LRRC27: variants seen among roughly 807,000 people sequenced by gnomAD.
LRRC27 encodes the protein leucine-rich repeat-containing protein 27.
Under a neutral mutation model 55.0 loss-of-function variants are expected in LRRC27, and 57 were observed. The ratio of observed to expected loss-of-function variants is 1.04; its 90% CI spans 0.84 to 1.29. The LOEUF (loss-of-function observed/expected upper bound fraction) is 1.29, where lower values mean the gene tolerates loss of function less well. Among genes scored for constraint, LRRC27 ranks in the 50% most tolerant of loss-of-function variants. The pLI is 0.00. For missense variants in LRRC27, 721 were observed against 651.5 expected (o/e 1.11, Z -1.16); for synonymous variants, 278 against 251.9 (o/e 1.10, Z -0.98).
chr10:132,336,631 G>A (rs2067146498), intron 2 of LRRC27: 1 of 643,426 alleles, frequency 1.6e-6, no homozygotes, highest in Non-Finnish European at 2.8e-6. Context: ...GTTCTTTAGT[G>A]CTTGCCCACA....
chr10:132,343,121 A>T (rs927095821), intron 4 of LRRC27, among the ~76,000 whole-genome samples: 5 of 152,154 alleles, frequency 3.3e-5, no homozygotes, highest in Admixed American at 6.6e-5. Context: ...CAGCCTGGGT[A>T]ACATAGTGAG....
At chr10:132,344,450 C>T (rs1253230901) in intron 4 of LRRC27, 48 bp from the exon 5 acceptor site, 1 of 1,531,114 alleles carries the variant, frequency 6.5e-7, no homozygotes, top group Admixed American at 1.9e-5. Flanking sequence ...ATTTTCATTT[C>T]AAGAATGGTA....
In LRRC27 at chr10:132,376,032, CTTTG is replaced by C. The variant is rs1319498168; in HGVS notation, c.*794_*797del. On this transcript the variant is annotated 3_prime_UTR_variant, in exon 11 of 11. Transcript: ENST00000368614. ...TTTAACAGAGGTGAGACTATTCAGA[CTTTG>C]TTTATTTTTGTGTTAATTTTGGTAA... The C allele has an allele frequency of 3.3e-5, 5 of 152,278 alleles. No homozygotes were observed. The highest frequency in any genetic ancestry group is 4.1e-4 in the South Asian group (2 of 4,820). The allele number at this position is 152,278 out of a possible 1,614,324, so 9.4% of individuals were successfully genotyped here.
chr10:132,364,843 C>CTTACACTCATGCTTACAT (rs1564855237), intron 9 of LRRC27, among the ~76,000 whole-genome samples: 3 of 115,380 alleles, frequency 2.6e-5, no homozygotes, highest in African/African-American at 2.9e-5. Context: ...CACGCCCACA[C>CTTACACTCATGCTTACAT]CCTGGGGCCC....
At chr10:132,332,917 A>G (rs1490522072) in intron 1 of LRRC27, among the ~76,000 whole-genome samples, 4 of 152,144 alleles carry the variant, frequency 2.6e-5, no homozygotes, top group East Asian at 1.9e-4. Context: ...TTGGTGAACA[A>G]TACTTCTGAG....
rs1310825180 is a variant in LRRC27 at position 132,380,250 on chromosome 10, C to T, written c.*5008C>T. On this transcript the variant is annotated 3_prime_UTR_variant, in exon 11 of 11. Transcript: ENST00000368614. Reference sequence around the variant, plus strand: ...GGCAGAGGTTGCAGTGAGCCGAGATCACGCCATTGCACTCCAGCCTGGGCA... The same window carrying T: ...GGCAGAGGTTGCAGTGAGCCGAGATTACGCCATTGCACTCCAGCCTGGGCA... Among the ~76,000 whole-genome samples the T allele has an allele frequency of 6.6e-6, 1 of 150,910 alleles. No individual in the cohort carries two copies. Among genetic ancestry groups the T allele is most frequent in the Non-Finnish European group, 1.5e-5 (1 of 67,748 alleles).
intron 8 of LRRC27, among the ~76,000 whole-genome samples, chr10:132,359,663 TG>T (rs2068517283): frequency 6.6e-6 from 1 of 152,220 alleles, no homozygotes; most frequent in Non-Finnish European, 1.5e-5. Context: ...GTACATTCGA[TG>T]GGGTGGGAGC....
intron 8 of LRRC27, among the ~76,000 whole-genome samples, chr10:132,358,189 A>C (rs2068394359): frequency 6.6e-6 from 1 of 152,262 alleles, no homozygotes; most frequent in Non-Finnish European, 1.5e-5. Context: ...GGCAGTCCAC[A>C]GAAGAGGAAA....
chr10:132,344,228 T>A (rs2067562536), intron 4 of LRRC27, among the ~76,000 whole-genome samples: 1 of 152,206 alleles, frequency 6.6e-6, no homozygotes, highest in African/African-American at 2.4e-5. Context: ...TATTCTGAAT[T>A]TTACAGAATT....
At chr10:132,337,293 C>T (rs748505974) in intron 2 of LRRC27, 34 of 1,258,072 alleles carry the variant, frequency 2.7e-5, no homozygotes, top group Non-Finnish European at 3.4e-5. Context: ...GGGATAGAAA[C>T]AGTGGTGTGC....
chr10:132,342,306 T>A, intron 4 of LRRC27, 35 bp downstream of exon 4: 2 of 1,343,280 alleles, frequency 1.5e-6, no homozygotes, highest in Non-Finnish European at 2.0e-6. Context: ...GATTTTAAAA[T>A]GCTATCTTTT....
chr10:132,331,839 G>A (rs763076808), upstream of LRRC27: 5 of 1,497,304 alleles, frequency 3.3e-6, no homozygotes, highest in East Asian at 2.3e-5. Flanking sequence ...CGCGGGCGCG[G>A]AAAAACGGAT....
chr10:132,357,496 A>G (rs1316175508), intron 8 of LRRC27, among the ~76,000 whole-genome samples: 2 of 152,254 alleles, frequency 1.3e-5, no homozygotes, highest in Non-Finnish European at 2.9e-5. Flanking sequence ...AGGGTGAGTC[A>G]GTGATCATAT....
Position 132,351,761 on chromosome 10 carries a change from C to T in LRRC27, c.1073+8C>T, listed in dbSNP as rs754710208. ...GATGGAGCAGCAGAGACGGTGAGTC[C>T]ACACAGGGTGGGGGTCCGCACAGCC... is the stretch of plus-strand genomic sequence containing the variant. On this transcript the variant is annotated splice_region_variant and intron_variant, in intron 7 of 10. Coordinates refer to ENST00000368614, the MANE Select transcript of LRRC27 (RefSeq NM_030626.3). 6.2e-7 allele frequency: 1 copy of T among 1,608,956 alleles called. No individual in the cohort carries two copies. Among genetic ancestry groups the T allele is most frequent in the Admixed American group, 1.7e-5 (1 of 59,252 alleles).
chr10:132,365,641 A>T, intron 10 of LRRC27, 91 bp downstream of exon 10: 1 of 1,475,778 alleles, frequency 6.8e-7, no homozygotes, highest in Admixed American at 2.2e-5. Context: ...TTGTTCTGTC[A>T]CCCAGGCTGG....
intron 3 of LRRC27, among the ~76,000 whole-genome samples, chr10:132,341,771 A>G (rs760018048): frequency 2.6e-5 from 4 of 152,254 alleles, no homozygotes; most frequent in Non-Finnish European, 5.9e-5. Context: ...GGGATTCCTC[A>G]CTGCACATCT....
chr10:132,359,695 A>C (rs570955149), intron 8 of LRRC27, among the ~76,000 whole-genome samples: 1 of 152,352 alleles, frequency 6.6e-6, no homozygotes, highest in Non-Finnish European at 1.5e-5. Context: ...CGGCTGCTGA[A>C]AGGGCTGCAG....
chr10:132,355,608 T>C (rs961440889), intron 7 of LRRC27, among the ~76,000 whole-genome samples, 182 bp from the exon 8 acceptor site: 1 of 152,212 alleles, frequency 6.6e-6, no homozygotes, highest in Non-Finnish European at 1.5e-5. Context: ...CATTCCCGGC[T>C]CTGCCCAGAT....
intron 7 of LRRC27, chr10:132,352,856 T>C: frequency 6.2e-7 from 1 of 1,612,954 alleles, no homozygotes; most frequent in East Asian, 2.2e-5. Context: ...TCTTGTTCTT[T>C]TCCCTCATTT....
Sources: allele counts gnomAD v4.1 joint callset (sites outside exome capture counted in the v4.1 genomes callset), GRCh38; gene constraint gnomAD v4.1.1; transcripts MANE v1.5; gene names NCBI Gene and HGNC (gene_info 2026-07-23, HGNC 2026-07-21).